The following POLN variants were observed in gnomAD, a reference collection of about 807,000 sequenced individuals.
POLN encodes DNA polymerase nu.
In POLN, 108 loss-of-function variants were observed where a neutral mutation model predicts 113.5. The observed-to-expected ratio is 0.95, with a 90% confidence interval of 0.81 to 1.12. The LOEUF is 1.12. POLN is among the 50% of genes most tolerant of loss of function. The pLI is 0.00. For synonymous variants in POLN, 386 were observed against 391.5 expected, an observed-to-expected ratio of 0.99 and a Z score of 0.17; for missense variants, 1,097 against 1,077.1, an observed-to-expected ratio of 1.02 and a Z score of -0.26.
intron 16 of POLN, among the ~76,000 whole-genome samples, chr4:2,135,133 G>T (rs570483261): frequency 6.6e-6 from 1 of 152,264 alleles, no homozygotes; most frequent in East Asian, 1.9e-4. Context: ...ATAACGCAGG[G>T]TTCAAATGAA....
chr4:2,165,462 A>T (rs1732706473), intron 13 of POLN, among the ~76,000 whole-genome samples: 1 of 152,230 alleles, frequency 6.6e-6, no homozygotes, highest in Non-Finnish European at 1.5e-5. Flanking sequence ...TTTTTAGGGC[A>T]GTGGCGCTGC....
At chr4:2,148,698 A>G (rs577524923) in intron 16 of POLN, among the ~76,000 whole-genome samples, 8 of 152,254 alleles carry the variant, frequency 5.3e-5, no homozygotes, top group African/African-American at 1.7e-4. Flanking sequence ...GTGAATAAAT[A>G]ATCACCAATA....
chr4:2,166,602 A>G (rs1400249327), intron 13 of POLN, among the ~76,000 whole-genome samples: 1 of 152,194 alleles, frequency 6.6e-6, no homozygotes. Flanking sequence ...CAATGTGGGC[A>G]GGGACTATCC....
At chr4:2,238,825 T>C (rs189652577) in intron 2 of POLN, 17 of 1,613,046 alleles carry the variant, frequency 1.1e-5, no homozygotes, top group East Asian at 2.2e-5. Context: ...GTTTTATTAA[T>C]TGATTTAAAA....
chr4:2,149,248 C>T (rs1471009124), intron 16 of POLN, among the ~76,000 whole-genome samples: 13 of 151,904 alleles, frequency 8.6e-5, no homozygotes, highest in Admixed American at 7.2e-4. Context: ...GAGCTGAGAT[C>T]GCACCATTGC....
rs546829700 is a variant in POLN, at chr4:2,073,569, T to A, written c.2456-540A>T. Among the ~76,000 whole-genome samples the A allele has an allele frequency of 6.6e-5, 10 of 152,284 alleles. No individual in the cohort carries two copies. In the South Asian group the frequency reaches 2.1e-3, roughly 32 times the overall value. ...GCAGGCTGACCCCGTTGTTGGGGCG[T>A]GGATCACCATGCAGCAGTGGGGCTC... On this transcript the variant is annotated intron_variant, in intron 24 of 25. Transcript: ENST00000511885.
chr4:2,096,146 G>C (rs989244894), intron 19 of POLN, among the ~76,000 whole-genome samples: 2 of 152,214 alleles, frequency 1.3e-5, no homozygotes, highest in African/African-American at 4.8e-5. Flanking sequence ...TGCAGCAGCT[G>C]CTGCCAGCCA....
rs1489694108 is a variant in POLN, at chr4:2,176,220, C to T, written c.1248+46G>A. 4 of 1,492,830 alleles carry T rather than the reference C, an allele frequency of 2.7e-6. No homozygotes were observed. The East Asian group carries it at 6.8e-5, about 25-fold the overall frequency. The allele number at this position is 1,492,830 out of a possible 1,614,324, so 92.5% of individuals were successfully genotyped here. A position where few individuals can be genotyped will look rare whatever the true frequency, so the allele number is the denominator to read the frequency against. Reference sequence around the variant, plus strand: ...AGTGCGGGTGCCAATGAAAAGACATCTCTTGTGAGCCTCTGTCAGCCAGAA... The same window carrying T: ...AGTGCGGGTGCCAATGAAAAGACATTTCTTGTGAGCCTCTGTCAGCCAGAA... On this transcript the variant is annotated intron_variant, in intron 9 of 25. Transcript: ENST00000511885.
chr4:2,177,036 G>C (rs1490496748), intron 8 of POLN, among the ~76,000 whole-genome samples: 1 of 152,166 alleles, frequency 6.6e-6, no homozygotes, highest in Admixed American at 6.5e-5. Flanking sequence ...CACACACCTT[G>C]GCATTGTTTT....
chr4:2,085,046 G>A (rs1730516072), intron 21 of POLN, among the ~76,000 whole-genome samples: 1 of 152,120 alleles, frequency 6.6e-6, no homozygotes, highest in African/African-American at 2.4e-5. Flanking sequence ...CCCAGTTTCT[G>A]ATGAGATACT....
chr4:2,124,893 T>G (rs1731541187), intron 19 of POLN, among the ~76,000 whole-genome samples: 3 of 152,100 alleles, frequency 2.0e-5, no homozygotes, highest in Non-Finnish European at 4.4e-5. Flanking sequence ...AACGCCTATG[T>G]AGGTAAAATG....
At chr4:2,110,417 C>T (rs570055808) in intron 19 of POLN, among the ~76,000 whole-genome samples, 1 of 152,064 alleles carries the variant, frequency 6.6e-6, no homozygotes, top group East Asian at 1.9e-4. Flanking sequence ...AATAGAGACA[C>T]AAAAAACCCT....
chr4:2,178,526 G>A (rs1387281560), intron 8 of POLN, among the ~76,000 whole-genome samples: 1 of 152,212 alleles, frequency 6.6e-6, no homozygotes, highest in African/African-American at 2.4e-5. Context: ...AGTTCTAGAA[G>A]GTGTGAGTGC....
At chr4:2,080,152 T>C in intron 23 of POLN, 1 of 985,874 alleles carries the variant, frequency 1.0e-6, no homozygotes, top group South Asian at 4.7e-5. Context: ...GCTCCGGGAC[T>C]CCTGAGGGGA....
intron 18 of POLN, 31 bp from the exon 19 acceptor site, chr4:2,128,258 G>T: frequency 6.9e-7 from 1 of 1,445,368 alleles, no homozygotes. Context: ...TTAATTTAGA[G>T]TTTGCCAGCA....
intron 16 of POLN, among the ~76,000 whole-genome samples, chr4:2,149,358 A>C (rs1732232300): frequency 6.6e-6 from 1 of 152,144 alleles, no homozygotes. Flanking sequence ...AAAACCAAAG[A>C]TGAAATAAAG....
chr4:2,147,127 A>G (rs1257115353), intron 16 of POLN, among the ~76,000 whole-genome samples: 3 of 152,192 alleles, frequency 2.0e-5, no homozygotes, highest in Non-Finnish European at 2.9e-5. Flanking sequence ...ATACTAAAGA[A>G]TTCATAAGAA....
intron 16 of POLN, among the ~76,000 whole-genome samples, chr4:2,142,795 C>T (rs913011533): frequency 3.3e-5 from 5 of 152,208 alleles, no homozygotes; most frequent in Admixed American, 2.6e-4. Context: ...CAGCCAAACA[C>T]CACACAAAAA....
chr4:2,145,215 A>G (rs1350632858), intron 16 of POLN, among the ~76,000 whole-genome samples: 2 of 152,194 alleles, frequency 1.3e-5, no homozygotes, highest in Admixed American at 6.5e-5. Flanking sequence ...GCGAAAAAAA[A>G]AGAGAATTTG....
Sources: allele counts gnomAD v4.1 joint callset (sites outside exome capture counted in the v4.1 genomes callset), GRCh38; gene constraint gnomAD v4.1.1; transcripts MANE v1.5; gene names NCBI Gene and HGNC (gene_info 2026-07-23, HGNC 2026-07-21).